Variants in ALDH1L1 observed in about 807,000 individuals in gnomAD.
ALDH1L1 encodes the protein cytosolic 10-formyltetrahydrofolate dehydrogenase.
In ALDH1L1, 68 loss-of-function variants were observed where a neutral mutation model predicts 101.1. The ratio of observed to expected loss-of-function variants is 0.67; its 90% confidence interval spans 0.55 to 0.82. The LOEUF is 0.82. Among genes scored for constraint, ALDH1L1 ranks in the 40% least tolerant of loss-of-function variants. The pLI, the probability that ALDH1L1 is intolerant of heterozygous loss-of-function variation, is 0.00. For missense variants in ALDH1L1, 1,087 were observed against 1,172.7 expected (o/e 0.93, Z 1.07); for synonymous variants, 486 against 470.8 (o/e 1.03, Z -0.42).
intron 1 of ALDH1L1, among the ~76,000 whole-genome samples, chr3:126,175,174 A>G (rs2081347993): frequency 6.6e-6 from 1 of 152,164 alleles, no homozygotes; most frequent in Non-Finnish European, 1.5e-5. Flanking sequence ...TGAAAGTACA[A>G]CGTTCCAAAA....
chr3:126,122,973 T>C (rs958558977), intron 16 of ALDH1L1, among the ~76,000 whole-genome samples: 1 of 152,210 alleles, frequency 6.6e-6, no homozygotes, highest in South Asian at 2.1e-4. Flanking sequence ...CAATATTTAA[T>C]GTAAAGTCTC....
chr3:126,158,556 C>G lies in ALDH1L1; in HGVS notation c.211G>C (p.Ala71Pro). The G allele has an allele frequency of 6.2e-7, 1 of 1,614,208 alleles. No individual in the cohort carries two copies. Among genetic ancestry groups the G allele is most frequent in the South Asian group, 1.1e-5 (1 of 91,084 alleles). Residue 71 changes from alanine to proline, a missense_variant, in exon 3 of 23, where the codon GCA (alanine) becomes CCA (proline). This residue lies in a region of ALDH1L1 where 645 missense variants were observed against 637.0 expected (regional missense o/e 1.01). Coordinates refer to ENST00000393434, the MANE Select transcript of ALDH1L1 (RefSeq NM_012190.4). ...AKGQALPDVVAKYQALGAELN... is the reference protein window; with the variant it reads ...AKGQALPDVVPKYQALGAELN... ...TCGGCCCCCAAAGCCTGGTATTTTG[C>G]CACCACATCAGGCAAAGCCTGTCCT...
intron 16 of ALDH1L1, among the ~76,000 whole-genome samples, chr3:126,123,281 A>G (rs1032544383): frequency 3.4e-5 from 5 of 148,094 alleles, no homozygotes; most frequent in Admixed American, 2.7e-4. Context: ...TTTTTGAGAC[A>G]GAGTCTCGCT....
intron 17 of ALDH1L1, among the ~76,000 whole-genome samples, chr3:126,116,219 G>A (rs1328798556): frequency 4.6e-5 from 7 of 150,970 alleles, no homozygotes; most frequent in African/African-American, 1.7e-4. Context: ...TTCAAATTGA[G>A]GTACTTTTTT....
rs769294617 is a variant in ALDH1L1, at chr3:126,157,438, C to G, written c.433G>C (p.Asp145His). Residue 145 changes from aspartate to histidine, a missense_variant, in exon 4 of 23, where the codon GAC (aspartate) becomes CAC (histidine). Transcript: ENST00000393434. ...TCACACTCCTTCTGCAGCAGCAGGT[C>G]TCCGGTGTCCAGACCATCATCCGCC... ...FWADDGLDTGDLLLQKECEVL... is the reference protein window; with the variant it reads ...FWADDGLDTGHLLLQKECEVL... 1 of 1,614,164 alleles carries G rather than the reference C, an allele frequency of 6.2e-7. No individual in the cohort carries two copies. Among genetic ancestry groups the G allele is most frequent in the South Asian group, 1.1e-5 (1 of 91,058 alleles).
At position 126,103,657 on chromosome 3, in the gene ALDH1L1, T is replaced by A. The variant is rs1945754842; in HGVS notation, c.*134A>T. Reference sequence around the variant, plus strand: ...CTGACTGGACAGAGGGCGTCCAAGATGCAGACATGGTGTGCAGGCAGGAGG... The same window carrying A: ...CTGACTGGACAGAGGGCGTCCAAGAAGCAGACATGGTGTGCAGGCAGGAGG... On this transcript the variant is annotated 3_prime_UTR_variant, in exon 23 of 23. Transcript: ENST00000393434. 1 of 907,370 alleles carries A rather than the reference T, an allele frequency of 1.1e-6. No homozygotes were observed. The highest frequency in any genetic ancestry group is 1.6e-5 in the African/African-American group (1 of 60,714). 56.2% of individuals were successfully genotyped at this position (907,370 alleles called of 1,614,324 possible). A position where few individuals can be genotyped will look rare whatever the true frequency, so the allele number is the denominator to read the frequency against.
chr3:126,162,826 C>T (rs2081088470), intron 1 of ALDH1L1, among the ~76,000 whole-genome samples: 1 of 152,144 alleles, frequency 6.6e-6, no homozygotes, highest in Non-Finnish European at 1.5e-5. Context: ...TTGCCTTTTA[C>T]ATTAGATGTG....
chr3:126,147,028 C>T, intron 8 of ALDH1L1, 102 bp from the exon 9 acceptor site: 1 of 1,134,764 alleles, frequency 8.8e-7, no homozygotes, highest in Non-Finnish European at 1.3e-6. Context: ...GGCCTGGGGC[C>T]AGGCTGGGCT....
chr3:126,196,198 C>T (rs185600541), intron 1 of ALDH1L1, among the ~76,000 whole-genome samples: 3 of 152,130 alleles, frequency 2.0e-5, no homozygotes, highest in South Asian at 2.1e-4. Context: ...AAGGACAGGG[C>T]CAGGAAAGCA....
intron 1 of ALDH1L1, among the ~76,000 whole-genome samples, chr3:126,161,934 G>GATATATATATATATAT (rs34367231): frequency 6.6e-6 from 1 of 150,470 alleles, no homozygotes; most frequent in African/African-American, 2.4e-5. Flanking sequence ...GGTTTCGCTT[G>GATATATATATATATAT]ATATATATAT....
intron 1 of ALDH1L1, among the ~76,000 whole-genome samples, chr3:126,161,938 T>A (rs2081064586): frequency 6.6e-6 from 1 of 151,802 alleles, no homozygotes; most frequent in Admixed American, 6.6e-5. Flanking sequence ...TCGCTTGATA[T>A]ATATATATAT....
chr3:126,165,837 T>C (rs2081156959), intron 1 of ALDH1L1, among the ~76,000 whole-genome samples: 1 of 152,208 alleles, frequency 6.6e-6, no homozygotes, highest in Non-Finnish European at 1.5e-5. Context: ...TAGCTAGTGG[T>C]CTAATGATCT....
At chr3:126,169,373 G>C (rs1354179089) in intron 1 of ALDH1L1, among the ~76,000 whole-genome samples, 3 of 152,126 alleles carry the variant, frequency 2.0e-5, no homozygotes, top group African/African-American at 7.2e-5. Flanking sequence ...ACAGTTGTTT[G>C]CATCAGTGCA....
chr3:126,164,921 G>A (rs2081136337), intron 1 of ALDH1L1, among the ~76,000 whole-genome samples: 1 of 152,156 alleles, frequency 6.6e-6, no homozygotes, highest in Admixed American at 6.5e-5. Flanking sequence ...TCTGACCAGT[G>A]TAAGATGGTA....
chr3:126,160,029 C>G (rs1001832698), intron 2 of ALDH1L1, among the ~76,000 whole-genome samples: 3 of 152,170 alleles, frequency 2.0e-5, no homozygotes, highest in African/African-American at 7.2e-5. Context: ...AGTCAGTGTT[C>G]CTAGAGGGTC....
At chr3:126,184,102 G>A (rs180746376), upstream of ALDH1L1, among the ~76,000 whole-genome samples, 76 of 152,290 alleles carry the variant, frequency 5.0e-4, no homozygotes, top group Non-Finnish European at 8.8e-4. Context: ...TGTGATTTCC[G>A]AATCCATCCT....
chr3:126,190,611 A>C (rs955286041), intron 1 of ALDH1L1, among the ~76,000 whole-genome samples: 2 of 152,242 alleles, frequency 1.3e-5, no homozygotes, highest in Non-Finnish European at 2.9e-5. Flanking sequence ...TATTGAAATT[A>C]CACATCCTAA....
At chr3:126,185,692 C>T (rs999018290), upstream of ALDH1L1, among the ~76,000 whole-genome samples, 1 of 152,070 alleles carries the variant, frequency 6.6e-6, no homozygotes, top group African/African-American at 2.4e-5. Context: ...ACATGGGGTG[C>T]AGACTGTGGG....
At position 126,180,523 on chromosome 3, in the gene ALDH1L1, G is replaced by T; in HGVS notation, c.-71C>A. ...CGTCCCGGGCAGGTTAGACTTCTGT[G>T]AGCCGCAGCCCCGAAACTGAGGTTG... On this transcript the variant is annotated 5_prime_UTR_variant, in exon 1 of 23. Transcript: ENST00000393434. 9.8e-7 allele frequency: 1 copy of T among 1,018,898 alleles called. No homozygotes were observed. 63.1% of individuals were successfully genotyped at this position (1,018,898 alleles called of 1,614,324 possible).
Sources: allele counts gnomAD v4.1 joint callset (sites outside exome capture counted in the v4.1 genomes callset), GRCh38; gene constraint gnomAD v4.1.1; regional missense constraint gnomAD v4.1.1; transcripts MANE v1.5; gene names NCBI Gene and HGNC (gene_info 2026-07-23, HGNC 2026-07-21).